ARHGAP22: variants seen among roughly 807,000 people sequenced by gnomAD.
ARHGAP22 encodes Rho GTPase activating protein 22.
In ARHGAP22, 48 loss-of-function variants were observed where a neutral mutation model predicts 59.1. The ratio of observed to expected loss-of-function variants is 0.81; its 90% confidence interval spans 0.64 to 1.03. The LOEUF (loss-of-function observed/expected upper bound fraction) is 1.03. Among genes scored for constraint, ARHGAP22 ranks in the 50% least tolerant of loss-of-function variants. The probability of loss-of-function intolerance (pLI) is 0.00; values close to 1 mark genes in which losing one functional copy is unlikely to be tolerated. For synonymous variants in ARHGAP22, 445 were observed against 416.4 expected, an observed-to-expected ratio of 1.07 and a Z score of -0.84; for missense variants, 1,015 against 958.7, an observed-to-expected ratio of 1.06 and a Z score of -0.78.
the ARHGAP22 span, chr10:48,439,386 A>G: frequency 6.6e-6 from 1 of 151,648 alleles, no homozygotes. Context: ...TTGAAAACAA[A>G]ATCTGTTTGT....
intron 3 of ARHGAP22, among the ~76,000 whole-genome samples, chr10:48,503,063 G>A (rs527731951): frequency 6.6e-6 from 1 of 152,342 alleles, no homozygotes; most frequent in East Asian, 1.9e-4. Flanking sequence ...CCTGACCTTG[G>A]AGAAGCCAGG....
chr10:48,576,729 G>A (rs930387396), intron 2 of ARHGAP22, among the ~76,000 whole-genome samples: 2 of 151,988 alleles, frequency 1.3e-5, no homozygotes, highest in Admixed American at 6.6e-5. Flanking sequence ...CTGTCACCAC[G>A]TTCTATGGTC....
rs767044403 is a variant in ARHGAP22 at position 48,459,941 on chromosome 10, T to TG, written c.452-51dup. 262 of 1,574,512 alleles carry TG rather than the reference T, an allele frequency of 1.7e-4. 2 individuals are homozygous for TG. The highest frequency in any genetic ancestry group is 3.0e-5 in the Non-Finnish European group (35 of 1,156,850). On this transcript the variant is annotated intron_variant, in intron 4 of 9. Coordinates refer to ENST00000249601, the MANE Select transcript of ARHGAP22 (RefSeq NM_021226.4). The stretch of plus-strand genomic sequence containing the variant: ...CACCCTCCACCACCCAGCTCAGTGT[T>TG]GGGTGCTCAGGACAATGGAGGGCAG...
At chr10:48,629,368 T>A (rs2061554433) in intron 1 of ARHGAP22, among the ~76,000 whole-genome samples, 2 of 152,216 alleles carry the variant, frequency 1.3e-5, no homozygotes, top group Non-Finnish European at 2.9e-5. Flanking sequence ...AATCCCAAGG[T>A]TTTCTAGATT....
At chr10:48,588,124 C>A (rs1198039843) in intron 1 of ARHGAP22, among the ~76,000 whole-genome samples, 1 of 152,188 alleles carries the variant, frequency 6.6e-6, no homozygotes, top group Non-Finnish European at 1.5e-5. Flanking sequence ...GCCCAAGGCC[C>A]AGGCATCAGG....
chr10:48,605,320 G>A (rs536392646), upstream of ARHGAP22, among the ~76,000 whole-genome samples: 1 of 148,876 alleles, frequency 6.7e-6, no homozygotes, highest in African/African-American at 2.6e-5. Flanking sequence ...TTGGTGAGAA[G>A]GTAGCCGAGA....
chr10:48,443,996 A>G (rs1564647243), downstream of ARHGAP22: 1 of 152,202 alleles, frequency 6.6e-6, no homozygotes, highest in African/African-American at 2.4e-5. Context: ...TTTAAAGTCA[A>G]ACACAAGTTT....
chr10:48,627,868 G>T (rs1230312195), intron 1 of ARHGAP22, among the ~76,000 whole-genome samples: 3 of 152,208 alleles, frequency 2.0e-5, no homozygotes, highest in Non-Finnish European at 4.4e-5. Flanking sequence ...ACAAGCTATG[G>T]GGTCTGGTGT....
intron 1 of ARHGAP22, among the ~76,000 whole-genome samples, chr10:48,594,572 T>G (rs911319891): frequency 2.0e-5 from 3 of 152,094 alleles, no homozygotes; most frequent in African/African-American, 7.2e-5. Flanking sequence ...CCCCCAAATG[T>G]GCTGTCCTTC....
intron 3 of ARHGAP22, among the ~76,000 whole-genome samples, chr10:48,518,525 A>G (rs1332222179): frequency 6.6e-6 from 1 of 152,224 alleles, no homozygotes; most frequent in Non-Finnish European, 1.5e-5. Context: ...ACAAACAAGG[A>G]GCAAGGTGAC....
intron 3 of ARHGAP22, among the ~76,000 whole-genome samples, chr10:48,508,430 C>T (rs2052384416): frequency 6.6e-6 from 1 of 152,226 alleles, no homozygotes; most frequent in African/African-American, 2.4e-5. Flanking sequence ...GTCCTGGCTG[C>T]CTAAGCCTTT....
upstream of ARHGAP22, among the ~76,000 whole-genome samples, chr10:48,608,408 C>T (rs1396347199): frequency 2.0e-5 from 3 of 152,158 alleles, no homozygotes; most frequent in East Asian, 3.8e-4. Flanking sequence ...AGGTGTGCAG[C>T]TAGAGGAGGG....
chr10:48,601,301 G>C (rs2060366128), intron 1 of ARHGAP22, among the ~76,000 whole-genome samples: 1 of 152,184 alleles, frequency 6.6e-6, no homozygotes, highest in Non-Finnish European at 1.5e-5. Context: ...CCCCCAGTCT[G>C]AGCAGGTATG....
At chr10:48,454,219 G>T in intron 6 of ARHGAP22, 58 bp from the exon 7 acceptor site, 1 of 1,481,814 alleles carries the variant, frequency 6.7e-7, no homozygotes, top group South Asian at 1.1e-5. Context: ...ACTGTTCTCT[G>T]ACTGCGAGGA....
At position 48,558,245 on chromosome 10, in the gene ARHGAP22, C is replaced by T. The variant is rs192447441; in HGVS notation, c.235-2695G>A. Reference sequence around the variant, plus strand: ...GAGCTTAAGACATAGTACGTGAAGTCATAGTACATTAAGTTAGGAAATGAT... The same window carrying T: ...GAGCTTAAGACATAGTACGTGAAGTTATAGTACATTAAGTTAGGAAATGAT... On this transcript the variant is annotated intron_variant, in intron 2 of 9. Coordinates refer to ENST00000249601, the MANE Select transcript of ARHGAP22 (RefSeq NM_021226.4). 6.2e-4 allele frequency among the ~76,000 whole-genome samples: 95 copies of T among 152,254 alleles called. 3 individuals are homozygous for T. The highest frequency in any genetic ancestry group is 6.1e-3 in the Admixed American group (94 of 15,298).
At chr10:48,431,420 T>C in the ARHGAP22 span, 4 of 596,372 alleles carry the variant, frequency 6.7e-6, no homozygotes, top group African/African-American at 7.5e-5. Flanking sequence ...TTGTTTTTTC[T>C]ACTAATACAT....
intron 3 of ARHGAP22, among the ~76,000 whole-genome samples, chr10:48,491,200 C>T (rs2134221432): frequency 6.6e-6 from 1 of 152,320 alleles, no homozygotes. Flanking sequence ...CTCACCCCTA[C>T]TCCTGCGACG....
upstream of ARHGAP22, among the ~76,000 whole-genome samples, chr10:48,608,989 T>A (rs1489722477): frequency 1.3e-5 from 2 of 152,240 alleles, no homozygotes; most frequent in African/African-American, 4.8e-5. Context: ...CATGCATCTC[T>A]TCTCAACTCT....
intron 1 of ARHGAP22, among the ~76,000 whole-genome samples, chr10:48,599,109 T>C (rs184074135): frequency 6.6e-6 from 1 of 152,190 alleles, no homozygotes; most frequent in Admixed American, 6.5e-5. Context: ...CTAGGTGCAA[T>C]AGGACTTCAA....
Sources: gnomAD v4.1 joint callset for allele counts (sites outside exome capture counted in the v4.1 genomes callset) on GRCh38, gnomAD v4.1.1 for gene constraint, MANE v1.5 for transcripts, NCBI Gene and HGNC (gene_info 2026-07-23, HGNC 2026-07-21) for gene names.